Variants in UBE3C observed in about 807,000 individuals in gnomAD.
The protein encoded by UBE3C is ubiquitin protein ligase E3C.
UBE3C carries 42 observed loss-of-function variants against 129.4 expected under a neutral mutation model. The observed-to-expected ratio is 0.32, with a 90% confidence interval of 0.25 to 0.42. The LOEUF (loss-of-function observed/expected upper bound fraction) is 0.42. Ranked by LOEUF, UBE3C falls within the 10% of genes least tolerant of loss-of-function variation. The probability of loss-of-function intolerance (pLI) is 1.00; values close to 1 mark genes in which losing one functional copy is unlikely to be tolerated. For missense variants in UBE3C, 1,049 were observed against 1,319.1 expected, an observed-to-expected ratio of 0.80 and a Z score of 3.17; for synonymous variants, 510 against 492.4, an observed-to-expected ratio of 1.04 and a Z score of -0.47.
At chr7:157,182,386 A>G in intron 8 of UBE3C, 58 bp downstream of exon 8, 1 of 1,543,480 alleles carries the variant, frequency 6.5e-7, no homozygotes, top group Non-Finnish European at 8.9e-7. Flanking sequence ...TTGGCAGATG[A>G]GTCAAGAGAA....
intron 1 of UBE3C, among the ~76,000 whole-genome samples, chr7:157,160,243 T>G (rs904693099): frequency 6.6e-6 from 1 of 152,018 alleles, no homozygotes; most frequent in Non-Finnish European, 1.5e-5. Flanking sequence ...CCCAGCTGAT[T>G]TTTGTATTTT....
chr7:157,195,935 A>G (rs184092169), intron 10 of UBE3C, among the ~76,000 whole-genome samples: 1 of 152,208 alleles, frequency 6.6e-6, no homozygotes, highest in African/African-American at 2.4e-5. Context: ...TTAATGTCCT[A>G]ATCTCCAAAC....
At position 157,170,320 on chromosome 7, in the gene UBE3C, G is replaced by A. The variant is rs1808331902; in HGVS notation, c.212G>A (p.Ser71Asn). The A allele has an allele frequency of 1.3e-6, 2 of 1,519,368 alleles. No individual in the cohort carries two copies. Among genetic ancestry groups the A allele is most frequent in the African/African-American group, 1.4e-5 (1 of 70,038 alleles). The allele number at this position is 1,519,368 out of a possible 1,614,324, so 94.1% of individuals were successfully genotyped here. The change falls in exon 4 of 23, where the codon AGT (serine) becomes AAT (asparagine). Residue 71 changes from serine to asparagine, a missense_variant. Physicochemically the swap from Ser to Asn is conservative, Grantham distance 46 (BLOSUM62 1). Transcript: ENST00000348165. The stretch of plus-strand genomic sequence containing the variant: ...TTCTTCCAGTATTCCATCCAAAGAA[G>A]TGCATTTGATCGCTGTGCTACCTTG... ...DRKQQYSIQR[S>N]AFDRCATLSQ... is the part of the protein sequence containing the mutation.
At chr7:157,188,770 C>CT (rs1808875723) in intron 10 of UBE3C, among the ~76,000 whole-genome samples, 1 of 105,560 alleles carries the variant, frequency 9.5e-6, no homozygotes, top group Admixed American at 1.1e-4. Flanking sequence ...TAGGCTTACT[C>CT]TAACTGTTAC....
At chr7:157,144,302 A>T (rs142723951) in intron 1 of UBE3C, among the ~76,000 whole-genome samples, 2 of 152,236 alleles carry the variant, frequency 1.3e-5, no homozygotes, top group East Asian at 3.8e-4. Flanking sequence ...TCTCTTAAAA[A>T]ATAAGGCAGG....
intron 2 of UBE3C, 45 bp downstream of exon 2, chr7:157,163,908 C>A: frequency 6.3e-7 from 1 of 1,583,520 alleles, no homozygotes; most frequent in African/African-American, 1.3e-5. Flanking sequence ...ATTTTTTCTA[C>A]AGCATTTAAA....
chr7:157,153,812 A>G (rs574756105), intron 1 of UBE3C, among the ~76,000 whole-genome samples: 1 of 138,020 alleles, frequency 7.2e-6, no homozygotes, highest in Non-Finnish European at 1.5e-5. Flanking sequence ...TCCCGTCTAT[A>G]CTAAAAATAC....
At chr7:157,187,584 G>GTTT (rs11406459) in intron 10 of UBE3C, among the ~76,000 whole-genome samples, 8 of 142,468 alleles carry the variant, frequency 5.6e-5, no homozygotes, top group African/African-American at 1.8e-4. Context: ...TTTGTTTTTT[G>GTTT]TTTTTTTTTT....
chr7:157,262,530 T>G (rs1281203679), intron 22 of UBE3C, among the ~76,000 whole-genome samples: 1 of 148,100 alleles, frequency 6.8e-6, no homozygotes, highest in East Asian at 2.1e-4. Context: ...GTGATTCTCC[T>G]GCCGCAGCCT....
chr7:157,218,648 G>A (rs1305381472), intron 14 of UBE3C, among the ~76,000 whole-genome samples: 1 of 152,162 alleles, frequency 6.6e-6, no homozygotes, highest in Non-Finnish European at 1.5e-5. Context: ...GCCCAGGCTG[G>A]GGTTGCTTCA....
At chr7:157,239,910 G>C (rs1796258625) in intron 18 of UBE3C, among the ~76,000 whole-genome samples, 1 of 152,206 alleles carries the variant, frequency 6.6e-6, no homozygotes, top group South Asian at 2.1e-4. Context: ...CACTGTTGCT[G>C]CTTTCTGGGT....
intron 2 of UBE3C, 113 bp from the exon 3 acceptor site, chr7:157,168,935 T>A: frequency 1.3e-6 from 1 of 767,420 alleles, no homozygotes; most frequent in Non-Finnish European, 2.2e-6. Context: ...AAGAATGAAT[T>A]TTATGGTATG....
At chr7:157,251,814 A>T (rs1343237516) in intron 19 of UBE3C, among the ~76,000 whole-genome samples, 2 of 152,138 alleles carry the variant, frequency 1.3e-5, no homozygotes, top group African/African-American at 4.8e-5. Context: ...AGAGAATTTT[A>T]AATTAAAAGT....
At chr7:157,235,058 G>A (rs1365789751) in intron 18 of UBE3C, among the ~76,000 whole-genome samples, 1 of 152,110 alleles carries the variant, frequency 6.6e-6, no homozygotes, top group Non-Finnish European at 1.5e-5. Context: ...GGGCGTGGTG[G>A]TGCATGCCTT....
In UBE3C at chr7:157,207,398, G is replaced by A. The variant is rs138763011; in HGVS notation, c.1419G>A (p.Gly473=). ...ISSMSTRMIT[G]SMVPLLQVIS... The stretch of plus-strand genomic sequence containing the variant: ...TTTTTCTTCTTTTCTTTAATTCAAG[G>A]TCTATGGTACCGTTGCTTCAGGTGA... Residue 473 remains glycine (G), a splice_region_variant and synonymous_variant, in exon 12 of 23, where the codon GGG becomes GGA. Coordinates refer to ENST00000348165, the MANE Select transcript of UBE3C (RefSeq NM_014671.3). The A allele has an allele frequency of 3.3e-5, 53 of 1,605,124 alleles. No homozygotes were observed. In the African/African-American group the frequency reaches 5.1e-4, roughly 16 times the overall value.
chr7:157,225,076 G>A lies in UBE3C; in HGVS notation c.2101-331G>A, dbSNP rs183724532. On this transcript the variant is annotated intron_variant, in intron 16 of 22. Coordinates refer to ENST00000348165, the MANE Select transcript of UBE3C (RefSeq NM_014671.3). The stretch of plus-strand genomic sequence containing the variant: ...GTCACCCAGGCCTGAGTGCAGTGGC[G>A]CCTGCAACCTCTGCCTCCCGGGTTC... Among the ~76,000 whole-genome samples, 231 of 152,040 alleles carry A rather than the reference G, an allele frequency of 1.5e-3. 1 individual carries two copies. The highest frequency in any genetic ancestry group is 5.3e-3 in the African/African-American group (219 of 41,470).
intron 1 of UBE3C, among the ~76,000 whole-genome samples, chr7:157,152,434 C>T (rs1807782484): frequency 6.6e-6 from 1 of 152,122 alleles, no homozygotes; most frequent in Non-Finnish European, 1.5e-5. Context: ...GAGAAGCACC[C>T]ACACTTGTGC....
intron 10 of UBE3C, among the ~76,000 whole-genome samples, chr7:157,196,000 A>G (rs776199343): frequency 1.2e-4 from 19 of 152,190 alleles, no homozygotes; most frequent in Non-Finnish European, 2.8e-4. Context: ...TAAGGTTACT[A>G]TGGATTTCAA....
intron 5 of UBE3C, among the ~76,000 whole-genome samples, chr7:157,177,915 G>A (rs3802124): frequency 0.47 from 71,688 of 151,098 alleles, 19,589 homozygotes; most frequent in African/African-American, 0.77. Context: ...GTGATGTGTG[G>A]TCAGATGGAT....
Sources: gnomAD v4.1 joint callset for allele counts (sites outside exome capture counted in the v4.1 genomes callset) on GRCh38, gnomAD v4.1.1 for gene constraint, MANE v1.5 for transcripts, NCBI Gene and HGNC (gene_info 2026-07-23, HGNC 2026-07-21) for gene names.